The following SLC10A7 variants were observed in gnomAD, a reference collection of about 807,000 sequenced individuals.
The protein encoded by SLC10A7 is solute carrier family 10 member 7, also known as sodium/bile acid cotransporter 7.
A neutral mutation model predicts 43.2 loss-of-function variants in SLC10A7; 29 were observed. The observed-to-expected ratio is 0.67, with a 90% CI of 0.50 to 0.92. The LOEUF is 0.92. SLC10A7 is among the 40% of genes least tolerant of loss of function. The pLI is 0.00. For missense variants in SLC10A7, 295 were observed against 403.2 expected (o/e 0.73, Z 2.30); for synonymous variants, 152 against 144.8 (o/e 1.05, Z -0.35).
intron 5 of SLC10A7, among the ~76,000 whole-genome samples, chr4:146,337,658 T>G: frequency 6.6e-6 from 1 of 151,962 alleles, no homozygotes; most frequent in Non-Finnish European, 1.5e-5. Context: ...AATTTAAAAT[T>G]CTGGTAAGTA....
At chr4:146,273,221 T>C (rs189099883) in intron 10 of SLC10A7, among the ~76,000 whole-genome samples, 1 of 152,120 alleles carries the variant, frequency 6.6e-6, no homozygotes, top group Non-Finnish European at 1.5e-5. Flanking sequence ...GAGCTGTAGG[T>C]GACAACTGCA....
At chr4:146,495,159 T>C (rs1183729357) in intron 4 of SLC10A7, among the ~76,000 whole-genome samples, 1 of 152,148 alleles carries the variant, frequency 6.6e-6, no homozygotes, top group African/African-American at 2.4e-5. Flanking sequence ...AAAATATACA[T>C]CTGCCAGCTT....
At chr4:146,434,136 T>A (rs1460051716) in intron 5 of SLC10A7, among the ~76,000 whole-genome samples, 1 of 152,098 alleles carries the variant, frequency 6.6e-6, no homozygotes, top group African/African-American at 2.4e-5. Context: ...AATACTCACA[T>A]ACATAAAGGG....
At chr4:146,323,201 G>A (rs1389106882) in intron 6 of SLC10A7, among the ~76,000 whole-genome samples, 3 of 152,134 alleles carry the variant, frequency 2.0e-5, no homozygotes, top group African/African-American at 7.2e-5. Flanking sequence ...CTTTTGCTGT[G>A]CAGAAGCTCC....
Position 146,393,097 on chromosome 4 carries a change from T to C in SLC10A7, c.435+49686A>G, listed in dbSNP as rs78796958. On this transcript the variant is annotated intron_variant, in intron 5 of 11. Coordinates refer to ENST00000335472, the MANE Select transcript of SLC10A7 (RefSeq NM_001029998.6). ...ATTGCAGGGTGGTGGGTGGCTGAGGTGGAATGGTCACCTGAGCACAGGAGG... is the reference window on the plus strand; with the variant it reads ...ATTGCAGGGTGGTGGGTGGCTGAGGCGGAATGGTCACCTGAGCACAGGAGG... 1.2e-3 allele frequency among the ~76,000 whole-genome samples: 172 copies of C among 138,370 alleles called. 1 individual carries two copies. In the East Asian group the frequency reaches 0.023, roughly 18 times the overall value. 90.8% of individuals were successfully genotyped at this position (138,370 alleles called of 152,430 possible).
intron 4 of SLC10A7, among the ~76,000 whole-genome samples, chr4:146,503,338 TATACAA>T (rs1215295985): frequency 6.6e-6 from 1 of 152,212 alleles, no homozygotes; most frequent in Non-Finnish European, 1.5e-5. Context: ...GCTACTCCAA[TATACAA>T]ATACAATTAT....
At chr4:146,316,139 G>T (rs903063658) in intron 6 of SLC10A7, among the ~76,000 whole-genome samples, 1 of 152,058 alleles carries the variant, frequency 6.6e-6, no homozygotes, top group African/African-American at 2.4e-5. Flanking sequence ...GCTGGACAAG[G>T]CGTTAATTTA....
At chr4:146,307,924 A>G (rs1731696118) in intron 6 of SLC10A7, among the ~76,000 whole-genome samples, 1 of 152,178 alleles carries the variant, frequency 6.6e-6, no homozygotes, top group African/African-American at 2.4e-5. Context: ...GGTTTTAAAA[A>G]GTATTATATA....
chr4:146,463,986 C>A (rs535172142), intron 4 of SLC10A7, among the ~76,000 whole-genome samples: 4 of 151,860 alleles, frequency 2.6e-5, no homozygotes, highest in African/African-American at 9.7e-5. Context: ...CCATACCTAG[C>A]TAATTTTTTT....
intron 5 of SLC10A7, among the ~76,000 whole-genome samples, chr4:146,397,373 C>A (rs1362191146): frequency 6.6e-6 from 1 of 152,050 alleles, no homozygotes; most frequent in African/African-American, 2.4e-5. Flanking sequence ...CAAACAACAC[C>A]AAAATTATCC....
At chr4:146,317,821 G>A (rs1732427451) in intron 6 of SLC10A7, among the ~76,000 whole-genome samples, 1 of 151,944 alleles carries the variant, frequency 6.6e-6, no homozygotes, top group South Asian at 2.1e-4. Flanking sequence ...TTCAAACTCA[G>A]ACTGGAGCTA....
intron 5 of SLC10A7, among the ~76,000 whole-genome samples, chr4:146,420,045 G>A (rs1018136716): frequency 3.9e-5 from 6 of 152,166 alleles, no homozygotes; most frequent in Middle Eastern, 3.4e-3. Flanking sequence ...AGGACTGGCC[G>A]TATAGAATTG....
At chr4:146,340,105 A>G (rs1294115917) in intron 5 of SLC10A7, among the ~76,000 whole-genome samples, 1 of 151,844 alleles carries the variant, frequency 6.6e-6, no homozygotes, top group Non-Finnish European at 1.5e-5. Context: ...CCTTAATAAT[A>G]TGTTTATTTT....
At chr4:146,495,766 A>AACACACAC (rs57202992) in intron 4 of SLC10A7, among the ~76,000 whole-genome samples, 19,341 of 139,388 alleles carry the variant, frequency 0.14, 1,321 homozygotes, top group East Asian at 0.17. Flanking sequence ...GATGAAAGTA[A>AACACACAC]ACACACACAC....
intron 5 of SLC10A7, among the ~76,000 whole-genome samples, chr4:146,380,342 GGC>G (rs774817346): frequency 6.6e-6 from 1 of 152,080 alleles, no homozygotes; most frequent in Non-Finnish European, 1.5e-5. Flanking sequence ...TGTGGTAATA[GGC>G]TTGTGATATT....
chr4:146,267,705 T>C (rs571683786), intron 10 of SLC10A7, among the ~76,000 whole-genome samples: 1 of 152,262 alleles, frequency 6.6e-6, no homozygotes, highest in East Asian at 1.9e-4. Flanking sequence ...TAAGAGAACA[T>C]TTTTATCCTT....
chr4:146,515,113 C>A (rs765419201), intron 2 of SLC10A7: 1 of 702,240 alleles, frequency 1.4e-6, no homozygotes, highest in South Asian at 1.5e-5. Flanking sequence ...CTGCATCCCA[C>A]AAAGTTGGCT....
intron 5 of SLC10A7, among the ~76,000 whole-genome samples, chr4:146,394,671 T>C (rs1326145774): frequency 6.6e-6 from 1 of 152,122 alleles, no homozygotes; most frequent in East Asian, 1.9e-4. Context: ...CCCACACTTT[T>C]ATCTTCAAGC....
At chr4:146,462,506 T>C (rs1732632137) in intron 4 of SLC10A7, among the ~76,000 whole-genome samples, 1 of 152,128 alleles carries the variant, frequency 6.6e-6, no homozygotes, top group Non-Finnish European at 1.5e-5. Context: ...CAAACACTCT[T>C]CCTTCTCCAC....
Sources: allele counts gnomAD v4.1 joint callset (sites outside exome capture counted in the v4.1 genomes callset), GRCh38; gene constraint gnomAD v4.1.1; transcripts MANE v1.5; gene names NCBI Gene and HGNC (gene_info 2026-07-23, HGNC 2026-07-21).